The following LINGO2 variants were observed in gnomAD, a reference collection of about 807,000 sequenced individuals.
The protein encoded by LINGO2 is leucine-rich repeat and immunoglobulin-like domain-containing nogo receptor-interacting protein 2.
Under a neutral mutation model 30.6 loss-of-function variants are expected in LINGO2, and 14 were observed. The ratio of observed to expected loss-of-function variants is 0.46; its 90% CI spans 0.30 to 0.72. The LOEUF is 0.72. Ranked by LOEUF, LINGO2 falls within the 30% of genes least tolerant of loss-of-function variation. The pLI, the probability that LINGO2 is intolerant of heterozygous loss-of-function variation, is 0.07. For synonymous variants in LINGO2, 317 were observed against 288.5 expected, an observed-to-expected ratio of 1.10 and a Z score of -1.00; for missense variants, 729 against 751.7, an observed-to-expected ratio of 0.97 and a Z score of 0.35.
intron 4 of LINGO2, among the ~76,000 whole-genome samples, chr9:28,089,793 G>C (rs1047475456): frequency 5.9e-5 from 9 of 152,056 alleles, no homozygotes; most frequent in African/African-American, 1.9e-4. Context: ...TTTTTGAAAA[G>C]ATCAACAAAA....
At chr9:28,760,007 T>C in the LINGO2 span, among the ~76,000 whole-genome samples, 1 of 152,032 alleles carries the variant, frequency 6.6e-6, no homozygotes, top group Non-Finnish European at 1.5e-5. Context: ...TACAAATCAA[T>C]AAGTCAGACT....
chr9:28,479,495 C>T (rs1223183882), intron 1 of LINGO2, among the ~76,000 whole-genome samples: 1 of 151,644 alleles, frequency 6.6e-6, no homozygotes, highest in African/African-American at 2.4e-5. Context: ...CAAAATTTAG[C>T]AAAAGATCAT....
the LINGO2 span, among the ~76,000 whole-genome samples, chr9:28,985,243 A>T: frequency 2.0e-5 from 3 of 152,132 alleles, no homozygotes; most frequent in African/African-American, 7.2e-5. Flanking sequence ...GTATATATGT[A>T]CCACAGATTC....
At chr9:28,069,176 C>A (rs542075435) in intron 4 of LINGO2, among the ~76,000 whole-genome samples, 18 of 152,098 alleles carry the variant, frequency 1.2e-4, no homozygotes, top group African/African-American at 4.3e-4. Context: ...GTTTGGAGGG[C>A]AGGTGAAATG....
chr9:27,976,867 T>C (rs1349978202), intron 5 of LINGO2, among the ~76,000 whole-genome samples: 3 of 152,124 alleles, frequency 2.0e-5, no homozygotes, highest in African/African-American at 7.2e-5. Context: ...ATAATTTGTG[T>C]GATAATACAC....
At chr9:27,970,765 T>A (rs778554186) in intron 5 of LINGO2, among the ~76,000 whole-genome samples, 1 of 152,096 alleles carries the variant, frequency 6.6e-6, no homozygotes, top group Non-Finnish European at 1.5e-5. Context: ...ACTTCATGAT[T>A]AAAAACTTGG....
intron 4 of LINGO2, among the ~76,000 whole-genome samples, chr9:28,062,939 C>G (rs2133133283): frequency 6.6e-6 from 1 of 152,100 alleles, no homozygotes; most frequent in South Asian, 2.1e-4. Context: ...TTTACTATCT[C>G]TATAGATTTC....
At chr9:28,895,150 T>G in the LINGO2 span, among the ~76,000 whole-genome samples, 1 of 152,244 alleles carries the variant, frequency 6.6e-6, no homozygotes, top group African/African-American at 2.4e-5. Flanking sequence ...AGTTGGGAGC[T>G]AATTACAATA....
intron 1 of LINGO2, among the ~76,000 whole-genome samples, chr9:28,658,235 G>C (rs1323538750): frequency 6.6e-6 from 1 of 152,018 alleles, no homozygotes. Context: ...GTTGGGCAGT[G>C]TTCTATATAT....
chr9:29,081,286 T>C, the LINGO2 span, among the ~76,000 whole-genome samples: 659 of 152,008 alleles, frequency 4.3e-3, 3 homozygotes, highest in Non-Finnish European at 7.4e-3. Flanking sequence ...CATACACAAA[T>C]CAATAAACGT....
chr9:28,998,416 G>A, the LINGO2 span, among the ~76,000 whole-genome samples: 1 of 152,140 alleles, frequency 6.6e-6, no homozygotes, highest in South Asian at 2.1e-4. Context: ...TTAACACAAA[G>A]AGCTTATTCT....
chr9:28,929,143 G>A, the LINGO2 span, among the ~76,000 whole-genome samples: 3 of 152,170 alleles, frequency 2.0e-5, no homozygotes. Flanking sequence ...TTCTACCTCT[G>A]TTTCTCTCTC....
In LINGO2 at chr9:28,448,031, T is replaced by C. The variant is rs1050842881; in HGVS notation, c.-279+27909A>G. Among the ~76,000 whole-genome samples the C allele has an allele frequency of 4.6e-5, 7 of 152,216 alleles. No individual in the cohort carries two copies. The South Asian group carries it at 1.5e-3, about 32-fold the overall frequency. ...TCCTTGTACCACTCAGTTTTATCAA[T>C]GAATTGCTAAGCTTCTCTGTGGATC... On this transcript the variant is annotated intron_variant, in intron 2 of 5. Coordinates refer to ENST00000379992, the Ensembl canonical transcript of LINGO2.
intron 1 of LINGO2, among the ~76,000 whole-genome samples, chr9:28,527,627 T>C (rs1821084408): frequency 1.3e-5 from 2 of 152,184 alleles, no homozygotes; most frequent in South Asian, 4.1e-4. Context: ...CCTCCAAGTC[T>C]TCTGTGTTCC....
chr9:28,917,239 T>C, the LINGO2 span, among the ~76,000 whole-genome samples: 14 of 152,146 alleles, frequency 9.2e-5, no homozygotes, highest in African/African-American at 3.1e-4. Context: ...AACATTATTA[T>C]TATAAAACAC....
intron 4 of LINGO2, among the ~76,000 whole-genome samples, chr9:28,220,338 TTCAGA>T: frequency 6.6e-6 from 1 of 152,158 alleles, no homozygotes. Context: ...AATACTGGCT[TTCAGA>T]ACAGGTTCAC....
At chr9:29,148,435 A>G in the LINGO2 span, among the ~76,000 whole-genome samples, 11 of 152,302 alleles carry the variant, frequency 7.2e-5, no homozygotes, top group African/African-American at 2.6e-4. Context: ...TACCAAGTAA[A>G]TAAATGACAG....
intron 1 of LINGO2, among the ~76,000 whole-genome samples, chr9:28,508,571 T>C (rs577414378): frequency 6.6e-6 from 1 of 152,276 alleles, no homozygotes. Context: ...TTTTTTCACT[T>C]ATATTTATCT....
chr9:28,341,203 C>T (rs762992826), intron 3 of LINGO2, among the ~76,000 whole-genome samples: 2 of 151,984 alleles, frequency 1.3e-5, no homozygotes, highest in Non-Finnish European at 2.9e-5. Context: ...CAGCACATAA[C>T]AAAAAACTAA....
Sources: allele counts gnomAD v4.1 joint callset (sites outside exome capture counted in the v4.1 genomes callset), GRCh38; gene constraint gnomAD v4.1.1; transcripts MANE v1.5; gene names NCBI Gene and HGNC (gene_info 2026-07-23, HGNC 2026-07-21).